Variants in LRRC72 observed in about 807,000 individuals in gnomAD.
LRRC72 encodes the protein leucine rich repeat containing 72, also known as leucine-rich repeat-containing protein 72.
A neutral mutation model predicts 35.8 loss-of-function variants in LRRC72; 41 were observed. That is an observed-to-expected ratio of 1.15 (90% CI 0.89 to 1.49). LRRC72 has a LOEUF of 1.49. LRRC72 is among the 40% of genes most tolerant of loss of function. The pLI is 0.00. For synonymous variants in LRRC72, 118 were observed against 119.2 expected (o/e 0.99, Z 0.07); for missense variants, 389 against 330.7 (o/e 1.18, Z -1.37).
chr7:16,570,214 G>T (rs767663374), intron 7 of LRRC72, among the ~76,000 whole-genome samples: 7 of 152,164 alleles, frequency 4.6e-5, no homozygotes, highest in Non-Finnish European at 8.8e-5. Flanking sequence ...CTTGGTCATA[G>T]AAATGTGTGC....
At chr7:16,556,319 T>G (rs1782649845) in intron 3 of LRRC72, among the ~76,000 whole-genome samples, 1 of 152,178 alleles carries the variant, frequency 6.6e-6, no homozygotes, top group Non-Finnish European at 1.5e-5. Context: ...GAAACATGGT[T>G]CCTTTCCTTA....
chr7:16,546,816 T>C (rs1782450886), intron 3 of LRRC72, among the ~76,000 whole-genome samples: 1 of 152,152 alleles, frequency 6.6e-6, no homozygotes, highest in Non-Finnish European at 1.5e-5. Context: ...ATCAACAGTC[T>C]ATTCAAACAT....
intron 7 of LRRC72, among the ~76,000 whole-genome samples, chr7:16,577,924 A>G (rs1045855198): frequency 1.3e-5 from 2 of 152,206 alleles, no homozygotes; most frequent in Admixed American, 1.3e-4. Flanking sequence ...ATTGATGGGA[A>G]TGTAAACTCG....
chr7:16,538,879 G>A (rs530126971), intron 3 of LRRC72, among the ~76,000 whole-genome samples: 1 of 152,104 alleles, frequency 6.6e-6, no homozygotes, highest in Admixed American at 6.5e-5. Context: ...AGTTTCCTGA[G>A]GCCTCCCCAG....
At chr7:16,548,097 G>T (rs1562742501) in intron 3 of LRRC72, among the ~76,000 whole-genome samples, 1 of 152,352 alleles carries the variant, frequency 6.6e-6, no homozygotes, top group East Asian at 1.9e-4. Flanking sequence ...ACGACCAGCT[G>T]CAGAGAGGAG....
intron 1 of LRRC72, among the ~76,000 whole-genome samples, chr7:16,529,119 T>G (rs1782120850): frequency 6.6e-6 from 1 of 152,226 alleles, no homozygotes; most frequent in Admixed American, 6.5e-5. Context: ...TACACACTTC[T>G]GAGCCTAAAT....
At chr7:16,537,965 C>T (rs147436877) in intron 3 of LRRC72, among the ~76,000 whole-genome samples, 1 of 152,254 alleles carries the variant, frequency 6.6e-6, no homozygotes, top group Non-Finnish European at 1.5e-5. Context: ...CTATCAAATC[C>T]ACTTAGTGGA....
At chr7:16,570,960 C>T (rs1583652682) in intron 7 of LRRC72, among the ~76,000 whole-genome samples, 1 of 151,734 alleles carries the variant, frequency 6.6e-6, no homozygotes, top group African/African-American at 2.4e-5. Flanking sequence ...GAAGAGATTC[C>T]CTGGTTTTTG....
intron 7 of LRRC72, among the ~76,000 whole-genome samples, chr7:16,569,217 C>T (rs184880655): frequency 1.8e-4 from 28 of 152,092 alleles, no homozygotes; most frequent in Middle Eastern, 3.4e-3. Context: ...CACCTGAGGT[C>T]GGGAGTTTAA....
intron 7 of LRRC72, among the ~76,000 whole-genome samples, chr7:16,572,646 C>A (rs1782968314): frequency 6.6e-6 from 1 of 152,152 alleles, no homozygotes; most frequent in Non-Finnish European, 1.5e-5. Context: ...ATTGAAGGAA[C>A]ATATATCAAA....
chr7:16,577,557 T>C (rs1025379209), intron 7 of LRRC72, among the ~76,000 whole-genome samples: 1 of 152,054 alleles, frequency 6.6e-6, no homozygotes. Flanking sequence ...ATTATATGTA[T>C]CCCATAAATA....
intron 7 of LRRC72, among the ~76,000 whole-genome samples, chr7:16,577,891 G>C (rs1783070125): frequency 6.6e-6 from 1 of 152,142 alleles, no homozygotes; most frequent in Non-Finnish European, 1.5e-5. Flanking sequence ...AAAGATGAGG[G>C]GGGAACGAGC....
chr7:16,581,388 T>TTGACCTC lies in LRRC72; in HGVS notation c.765_771dup (p.Met258AspfsTer17). The TTGACCTC allele has an allele frequency of 1.9e-6, 3 of 1,550,060 alleles. No individual in the cohort carries two copies. Among genetic ancestry groups the TTGACCTC allele is most frequent in the Non-Finnish European group, 2.6e-6 (3 of 1,146,636 alleles). Reference sequence around the variant, plus strand: ...GTCCATGAAGAGATCAGTGATGACTTTGACCTCTATGAACTGGGACACAGT... The same window carrying TTGACCTC: ...GTCCATGAAGAGATCAGTGATGACTTTGACCTCTGACCTCTATGAACTGGGACACAGT... On this transcript the variant is annotated frameshift_variant, in exon 9 of 9. Coordinates refer to ENST00000401542, the MANE Select transcript of LRRC72 (RefSeq NM_001195280.2). LOFTEE classifies it high-confidence loss of function.
rs1309026466 is a variant in LRRC72, at chr7:16,552,839, G to A, written c.235-4521G>A. On this transcript the variant is annotated intron_variant, in intron 3 of 8. Coordinates refer to ENST00000401542, the MANE Select transcript of LRRC72 (RefSeq NM_001195280.2). Reference sequence around the variant, plus strand: ...GACAGTTCAGCTTCGTGTCCTGAACGTTAGTAAAGTGCAGTGGTTTCCAGC... The same window carrying A: ...GACAGTTCAGCTTCGTGTCCTGAACATTAGTAAAGTGCAGTGGTTTCCAGC... Among the ~76,000 whole-genome samples, 7 of 152,306 alleles carry A rather than the reference G, an allele frequency of 4.6e-5. No individual in the cohort carries two copies. In the East Asian group the frequency reaches 7.7e-4, roughly 17 times the overall value.
chr7:16,558,918 C>G lies in LRRC72; in HGVS notation c.346C>G (p.Leu116Val). 1 of 1,523,320 alleles carries G rather than the reference C, an allele frequency of 6.6e-7. No individual in the cohort carries two copies. The allele number at this position is 1,523,320 out of a possible 1,614,324, so 94.4% of individuals were successfully genotyped here. A position where few individuals can be genotyped will look rare whatever the true frequency, so the allele number is the denominator to read the frequency against. ...GCATTATTTGCCTTCATTGCATATA[C>G]TCCTGCTACACCACAATGAGCTAAC... ...GLHYLPSLHI[L>V]LLHHNELTNI... The change falls in exon 5 of 9, where the codon CTC becomes GTC. Residue 116 changes from leucine to valine, a missense_variant. Coordinates refer to ENST00000401542, the MANE Select transcript of LRRC72 (RefSeq NM_001195280.2).
intron 5 of LRRC72, among the ~76,000 whole-genome samples, chr7:16,560,685 G>GT (rs201969915): frequency 0.062 from 8,773 of 140,836 alleles, 325 homozygotes; most frequent in East Asian, 0.16. Flanking sequence ...AGATAACTCT[G>GT]TTTTTTTTTT....
chr7:16,549,310 G>A (rs1394145514), intron 3 of LRRC72, among the ~76,000 whole-genome samples: 3 of 152,170 alleles, frequency 2.0e-5, no homozygotes, highest in East Asian at 3.8e-4. Context: ...TGCTTTGGCC[G>A]ATTTAAGCAG....
chr7:16,558,871 A>G lies in LRRC72; in HGVS notation c.317-18A>G, dbSNP rs1458199956. 7.4e-7 allele frequency: 1 copy of G among 1,345,236 alleles called. No individual in the cohort carries two copies. The highest frequency in any genetic ancestry group is 3.0e-5 in the Admixed American group (1 of 33,632). 83.3% of individuals were successfully genotyped at this position (1,345,236 alleles called of 1,614,324 possible). ...AAAAAATGTTTAAAATCTTGTAAAA[A>G]TATTCTGTTTTTTTTAGGTCTGCAT... On this transcript the variant is annotated intron_variant, in intron 4 of 8. Coordinates refer to ENST00000401542, the MANE Select transcript of LRRC72 (RefSeq NM_001195280.2).
At chr7:16,532,217 A>C (rs769659739) in intron 1 of LRRC72, among the ~76,000 whole-genome samples, 1 of 152,224 alleles carries the variant, frequency 6.6e-6, no homozygotes, top group Non-Finnish European at 1.5e-5. Context: ...AGAATAAAAA[A>C]AACTTGCTTT....
Sources: gnomAD v4.1 joint callset for allele counts (sites outside exome capture counted in the v4.1 genomes callset) on GRCh38, gnomAD v4.1.1 for gene constraint, MANE v1.5 for transcripts, NCBI Gene and HGNC (gene_info 2026-07-23, HGNC 2026-07-21) for gene names.